Variants in SIN3A observed in about 807,000 individuals in gnomAD.
SIN3A encodes paired amphipathic helix protein Sin3a.
A neutral mutation model predicts 146.1 loss-of-function variants in SIN3A; 14 were observed. The ratio of observed to expected loss-of-function variants is 0.10; its 90% confidence interval spans 0.06 to 0.15. SIN3A has a LOEUF of 0.15. SIN3A is among the 10% of genes least tolerant of loss of function. SIN3A has a pLI of 1.00. For missense variants in SIN3A, 1,028 were observed against 1,576.0 expected (o/e 0.65, Z 5.89); for synonymous variants, 572 against 572.0 (o/e 1.00, Z 0.00).
intron 20 of SIN3A, among the ~76,000 whole-genome samples, chr15:75,372,840 A>AC (rs35039189): frequency 6.7e-6 from 1 of 148,970 alleles, no homozygotes; most frequent in African/African-American, 2.5e-5. Flanking sequence ...AAAAAAAAAA[A>AC]CCCAAAACCC....
chr15:75,374,039 C>T (rs1057103466), intron 20 of SIN3A, among the ~76,000 whole-genome samples: 4 of 152,156 alleles, frequency 2.6e-5, no homozygotes, highest in African/African-American at 9.7e-5. Context: ...TCTCCCAAAC[C>T]TCATAACCCT....
intron 16 of SIN3A, among the ~76,000 whole-genome samples, chr15:75,385,613 ACGTTAAT>A (rs2073062297): frequency 1.3e-5 from 2 of 152,340 alleles, no homozygotes; most frequent in African/African-American, 4.8e-5. Context: ...AGAAAGCAAA[ACGTTAAT>A]TTCAATATTG....
intron 1 of SIN3A, among the ~76,000 whole-genome samples, chr15:75,443,215 G>A (rs2074248113): frequency 6.6e-6 from 1 of 152,152 alleles, no homozygotes; most frequent in Admixed American, 6.5e-5. Context: ...TAGTTCCTCT[G>A]AAATGTCTTC....
intron 19 of SIN3A, among the ~76,000 whole-genome samples, chr15:75,377,626 A>G (rs181508461): frequency 5.2e-4 from 76 of 146,682 alleles, no homozygotes; most frequent in African/African-American, 1.8e-3. Context: ...CTCTGCCTCA[A>G]AAAAAAAAAA....
rs1170785559 is a variant in SIN3A, at chr15:75,409,431, C to T, written c.1317+405G>A. Among the ~76,000 whole-genome samples the T allele has an allele frequency of 2.6e-5, 4 of 151,908 alleles. 1 individual carries two copies. Among genetic ancestry groups the T allele is most frequent in the African/African-American group, 7.3e-5 (3 of 41,348 alleles). On this transcript the variant is annotated intron_variant, in intron 8 of 20. Transcript: ENST00000394947. ...TTCCTCCAAATATCTAGGACCCAAC[C>T]GTTAACACACTTAAGAACACATGAC...
intron 3 of SIN3A, among the ~76,000 whole-genome samples, chr15:75,416,574 C>T (rs1215754430): frequency 6.6e-6 from 1 of 152,252 alleles, no homozygotes; most frequent in African/African-American, 2.4e-5. Context: ...GATCTGCCAG[C>T]CTCAGCCTCC....
rs150523030 is a variant in SIN3A at position 75,445,318 on chromosome 15, T to C, written c.-34+6105A>G. Among the ~76,000 whole-genome samples the C allele has an allele frequency of 5.0e-5, 7 of 140,256 alleles. No individual in the cohort carries two copies. The East Asian group carries it at 1.4e-3, about 29-fold the overall frequency. The allele number at this position is 140,256 out of a possible 152,430, so 92.0% of individuals were successfully genotyped here. A position where few individuals can be genotyped will look rare whatever the true frequency, so the allele number is the denominator to read the frequency against. ...ACTGCTTGAACCTGGGAAGGGGAGATTGCAGTGAGCTGAGATCGCGCTACT... is the reference window on the plus strand; with the variant it reads ...ACTGCTTGAACCTGGGAAGGGGAGACTGCAGTGAGCTGAGATCGCGCTACT... On this transcript the variant is annotated intron_variant, in intron 1 of 20. Coordinates refer to ENST00000394947, the MANE Select transcript of SIN3A (RefSeq NM_001145358.2).
intron 2 of SIN3A, among the ~76,000 whole-genome samples, chr15:75,425,072 C>T (rs148829238): frequency 6.6e-6 from 1 of 152,178 alleles, no homozygotes; most frequent in African/African-American, 2.4e-5. Context: ...AAGCACATTA[C>T]AAAGCAGTAT....
chr15:75,434,272 A>T (rs1450933107), intron 1 of SIN3A, among the ~76,000 whole-genome samples: 2 of 152,198 alleles, frequency 1.3e-5, no homozygotes, highest in African/African-American at 2.4e-5. Flanking sequence ...TTAAAAGCAA[A>T]TGTTCAGTGA....
intron 1 of SIN3A, among the ~76,000 whole-genome samples, chr15:75,437,017 TAGC>T (rs1243442932): frequency 6.6e-6 from 1 of 152,114 alleles, no homozygotes; most frequent in Non-Finnish European, 1.5e-5. Context: ...CACAAATAAT[TAGC>T]AAGTGCTTAA....
Position 75,389,753 on chromosome 15 carries a change from T to C in SIN3A, c.2920A>G (p.Ile974Val). The change falls in exon 16 of 21, where the codon ATA (isoleucine) becomes GTA (valine). Residue 974 changes from isoleucine (I) to valine (V), a missense_variant. Around this residue, in one of 9 missense-constraint regions of SIN3A, gnomAD observed 488 missense variants for 690.2 expected, o/e 0.71. Transcript: ENST00000394947. ...GAATCTTCATACTGTGATGAGTCTA[T>C]GTTGCCATCCAGCAGGCTCCGCACC... The part of the protein sequence containing the change: ...DMVRSLLDGN[I>V]DSSQYEDSLR... 1.2e-6 allele frequency: 2 copies of C among 1,614,150 alleles called. No individual in the cohort carries two copies. The highest frequency in any genetic ancestry group is 1.1e-5 in the South Asian group (1 of 91,088).
chr15:75,409,884 A>T lies in SIN3A; in HGVS notation c.1269T>A (p.Asn423Lys). The change falls in exon 8 of 21, where the codon AAT (asparagine) becomes AAA (lysine). Residue 423 changes from asparagine (N) to lysine (K), a missense_variant. Physicochemically the swap from Asn to Lys is moderately conservative, Grantham distance 94 (BLOSUM62 0). Around this residue, in one of 9 missense-constraint regions of SIN3A, gnomAD observed 62 missense variants for 63.5 expected, o/e 0.98. Coordinates refer to ENST00000394947, the MANE Select transcript of SIN3A (RefSeq NM_001145358.2). ...LNNKPQRPSQNGCQIRRHPTG... is the reference protein window; with the variant it reads ...LNNKPQRPSQKGCQIRRHPTG... ...TAGGATGTCTGCGGATCTGGCAGCC[A>T]TTCTGGCTGGGCCTCTGCGGCTTGT... The T allele has an allele frequency of 6.2e-7, 1 of 1,613,700 alleles. No individual in the cohort carries two copies. Among genetic ancestry groups the T allele is most frequent in the Non-Finnish European group, 8.5e-7 (1 of 1,179,994 alleles).
intron 14 of SIN3A, among the ~76,000 whole-genome samples, chr15:75,393,825 T>C (rs1457673734): frequency 1.3e-5 from 2 of 152,140 alleles, no homozygotes; most frequent in African/African-American, 4.8e-5. Flanking sequence ...TTATTGATTT[T>C]GAGACGGAAT....
intron 2 of SIN3A, among the ~76,000 whole-genome samples, chr15:75,423,699 T>C (rs189361949): frequency 6.6e-6 from 1 of 151,340 alleles, no homozygotes; most frequent in African/African-American, 2.4e-5. Context: ...AACAAAAAAA[T>C]ATATATATAG....
chr15:75,380,595 T>G, intron 19 of SIN3A, 34 bp downstream of exon 19: 1 of 1,449,518 alleles, frequency 6.9e-7, no homozygotes, highest in African/African-American at 1.4e-5. Flanking sequence ...TCATGCACAG[T>G]ATGGACTGCT....
intron 12 of SIN3A, among the ~76,000 whole-genome samples, chr15:75,398,910 C>A (rs987365786): frequency 2.0e-5 from 3 of 151,802 alleles, no homozygotes; most frequent in Non-Finnish European, 4.4e-5. Flanking sequence ...AGGACAAATA[C>A]CTAATGCATG....
rs1237863261 is a variant in SIN3A at position 75,400,955 on chromosome 15, C to A, written c.1527-15G>T. On this transcript the variant is annotated splice_polypyrimidine_tract_variant and intron_variant, in intron 10 of 20. Transcript: ENST00000394947. ...CAGGGAATTTCCTGAAGAATCAAAC[C>A]AAAAAGTGACAAGCAATTAGGGGCA... The A allele has an allele frequency of 2.5e-6, 4 of 1,581,024 alleles. No homozygotes were observed. The highest frequency in any genetic ancestry group is 3.4e-5 in the Admixed American group (2 of 59,672).
rs552941258 is a variant in SIN3A, at chr15:75,431,068, G to A, written c.-33-660C>T. On this transcript the variant is annotated intron_variant, in intron 1 of 20. Coordinates refer to ENST00000394947, the MANE Select transcript of SIN3A (RefSeq NM_001145358.2). ...TGGGATTACAGGCGTGAGCCACCGC[G>A]CCCGGCCTCAAGTGCTTCTTCTTAA... Among the ~76,000 whole-genome samples the A allele has an allele frequency of 2.1e-4, 32 of 152,200 alleles. No homozygotes were observed. The South Asian group carries it at 3.7e-3, about 18-fold the overall frequency.
At chr15:75,417,326 G>C (rs775771584) in intron 3 of SIN3A, among the ~76,000 whole-genome samples, 1 of 150,928 alleles carries the variant, frequency 6.6e-6, no homozygotes, top group African/African-American at 2.4e-5. Flanking sequence ...AAAATATCAG[G>C]TTTAAGAAAT....
Sources: allele counts gnomAD v4.1 joint callset (sites outside exome capture counted in the v4.1 genomes callset), GRCh38; gene constraint gnomAD v4.1.1; regional missense constraint gnomAD v4.1.1; transcripts MANE v1.5; gene names NCBI Gene and HGNC (gene_info 2026-07-23, HGNC 2026-07-21).